Variants in SLC24A2 observed in about 807,000 individuals in gnomAD.
The protein encoded by SLC24A2 is solute carrier family 24 member 2.
In SLC24A2, 36 loss-of-function variants were observed where a neutral mutation model predicts 62.0. The observed-to-expected ratio is 0.58, with a 90% CI of 0.44 to 0.77. SLC24A2 has a LOEUF of 0.77. Ranked by LOEUF, SLC24A2 falls within the 30% of genes least tolerant of loss-of-function variation. SLC24A2 has a pLI of 0.00. For missense variants in SLC24A2, 846 were observed against 817.9 expected (o/e 1.03, Z -0.42); for synonymous variants, 358 against 294.0 (o/e 1.22, Z -2.23).
rs374294460 is a variant in SLC24A2, at chr9:19,629,988, C to T, written c.931-7689G>A. On this transcript the variant is annotated intron_variant, in intron 2 of 10. Transcript: ENST00000341998. ...CTAGGTTCCTGGGATTTAGGTGTGG[C>T]CCAAACTGGCAAAAATGTCTGTCCT... Among the ~76,000 whole-genome samples the T allele has an allele frequency of 2.0e-5, 3 of 152,172 alleles. No homozygotes were observed. The East Asian group carries it at 5.8e-4, about 29-fold the overall frequency.
the SLC24A2 span, among the ~76,000 whole-genome samples, chr9:20,072,239 A>G: frequency 6.6e-6 from 1 of 152,182 alleles, no homozygotes; most frequent in Admixed American, 6.5e-5. Flanking sequence ...CTATCTGTTT[A>G]GATCCTTCTT....
chr9:19,575,542 A>T (rs903363080), intron 6 of SLC24A2, among the ~76,000 whole-genome samples: 58 of 152,256 alleles, frequency 3.8e-4, no homozygotes, highest in Admixed American at 3.1e-3. Context: ...AATAAAAGAA[A>T]ATATGAAAAT....
chr9:19,560,716 A>G (rs934106840), intron 7 of SLC24A2, among the ~76,000 whole-genome samples: 7 of 152,188 alleles, frequency 4.6e-5, no homozygotes, highest in African/African-American at 7.2e-5. Context: ...AAGGATGTTT[A>G]TCTTTTTCAA....
chr9:19,708,508 C>G (rs1275157875), intron 2 of SLC24A2, among the ~76,000 whole-genome samples: 1 of 152,224 alleles, frequency 6.6e-6, no homozygotes, highest in Admixed American at 6.5e-5. Flanking sequence ...TCAAACTATA[C>G]TGCAAGGCTA....
chr9:20,274,744 C>T, the SLC24A2 span, among the ~76,000 whole-genome samples: 1 of 152,076 alleles, frequency 6.6e-6, no homozygotes, highest in Non-Finnish European at 1.5e-5. Context: ...CCTCTTTGTC[C>T]CCCAAGGATA....
the SLC24A2 span, among the ~76,000 whole-genome samples, chr9:20,277,047 T>C: frequency 1.3e-5 from 2 of 152,232 alleles, no homozygotes; most frequent in Admixed American, 1.3e-4. Flanking sequence ...GTCTTGGCGA[T>C]TAACATGTGG....
At chr9:19,698,262 T>C (rs1434076463) in intron 2 of SLC24A2, among the ~76,000 whole-genome samples, 1 of 152,030 alleles carries the variant, frequency 6.6e-6, no homozygotes, top group African/African-American at 2.4e-5. Flanking sequence ...GCCAAAACTT[T>C]GTTTTATACA....
chr9:19,763,251 G>A (rs1273212797), intron 2 of SLC24A2, among the ~76,000 whole-genome samples: 1 of 152,178 alleles, frequency 6.6e-6, no homozygotes, highest in Non-Finnish European at 1.5e-5. Flanking sequence ...ATACAATCGT[G>A]TCATCTGCAA....
chr9:20,236,220 C>A, the SLC24A2 span, among the ~76,000 whole-genome samples: 1 of 152,182 alleles, frequency 6.6e-6, no homozygotes, highest in Non-Finnish European at 1.5e-5. Flanking sequence ...ATCCCTGGTA[C>A]TTTGTCCTTA....
chr9:19,707,635 C>T (rs1435975509), intron 2 of SLC24A2, among the ~76,000 whole-genome samples: 1 of 152,216 alleles, frequency 6.6e-6, no homozygotes, highest in Admixed American at 6.5e-5. Flanking sequence ...AGCATATAAA[C>T]AGAACCAAAG....
At chr9:20,037,553 G>T in the SLC24A2 span, among the ~76,000 whole-genome samples, 1 of 152,326 alleles carries the variant, frequency 6.6e-6, no homozygotes, top group East Asian at 1.9e-4. Context: ...TCAGAAGTGA[G>T]ATTACTGAAT....
intron 2 of SLC24A2, among the ~76,000 whole-genome samples, chr9:19,779,763 A>G (rs776252121): frequency 1.3e-5 from 2 of 152,254 alleles, no homozygotes; most frequent in African/African-American, 2.4e-5. Flanking sequence ...AAAGCTGTTT[A>G]CAAAACATCA....
chr9:20,229,548 G>A, the SLC24A2 span, among the ~76,000 whole-genome samples: 4 of 152,008 alleles, frequency 2.6e-5, no homozygotes, highest in African/African-American at 4.8e-5. Context: ...CAGACACTAA[G>A]CAAGGGCCTG....
At chr9:19,826,197 A>G in the SLC24A2 span, among the ~76,000 whole-genome samples, 1 of 149,196 alleles carries the variant, frequency 6.7e-6, no homozygotes, top group South Asian at 2.1e-4. Context: ...AAAAAGGCTC[A>G]GCAAACACTT....
the SLC24A2 span, among the ~76,000 whole-genome samples, chr9:20,084,120 T>C: frequency 3.3e-5 from 5 of 152,150 alleles, no homozygotes; most frequent in African/African-American, 1.2e-4. Flanking sequence ...AAGCATCATT[T>C]CTCATGGCCC....
chr9:20,243,784 T>C, the SLC24A2 span, among the ~76,000 whole-genome samples: 1 of 152,176 alleles, frequency 6.6e-6, no homozygotes, highest in African/African-American at 2.4e-5. Flanking sequence ...TGGGGGTGTT[T>C]GACTGCCTTC....
At chr9:19,525,391 C>CTT (rs572919824) in intron 9 of SLC24A2, among the ~76,000 whole-genome samples, 77 of 76,376 alleles carry the variant, frequency 1.0e-3, no homozygotes, top group South Asian at 6.0e-3. Flanking sequence ...TATTTCTTTA[C>CTT]TTTTTTTTTT....
chr9:20,111,233 C>T, the SLC24A2 span, among the ~76,000 whole-genome samples: 1 of 152,098 alleles, frequency 6.6e-6, no homozygotes, highest in African/African-American at 2.4e-5. Flanking sequence ...AAGAGGGTGA[C>T]AGAGACATAT....
the SLC24A2 span, among the ~76,000 whole-genome samples, chr9:20,163,206 T>C: frequency 5.1e-4 from 77 of 152,272 alleles, no homozygotes; most frequent in African/African-American, 1.6e-3. Flanking sequence ...TGTTTGCAGA[T>C]GACATGATTT....
Sources: allele counts gnomAD v4.1 joint callset (sites outside exome capture counted in the v4.1 genomes callset), GRCh38; gene constraint gnomAD v4.1.1; transcripts MANE v1.5; gene names NCBI Gene and HGNC (gene_info 2026-07-23, HGNC 2026-07-21).